Variants in CCDC91 observed in about 807,000 individuals in gnomAD.
CCDC91 encodes the protein coiled-coil domain containing 91.
Under a neutral mutation model 63.2 loss-of-function variants are expected in CCDC91, and 48 were observed. That is an observed-to-expected ratio of 0.76 (90% CI 0.60 to 0.97). The LOEUF is 0.97. Ranked by LOEUF, CCDC91 falls within the 50% of genes least tolerant of loss-of-function variation. The probability of loss-of-function intolerance (pLI) is 0.00; values close to 1 mark genes in which losing one functional copy is unlikely to be tolerated. For missense variants in CCDC91, 500 were observed against 494.6 expected (o/e 1.01, Z -0.10); for synonymous variants, 167 against 165.8 (o/e 1.01, Z -0.06).
At chr12:28,540,003 G>C (rs1942507276) in intron 12 of CCDC91, among the ~76,000 whole-genome samples, 1 of 151,966 alleles carries the variant, frequency 6.6e-6, no homozygotes, top group Admixed American at 6.6e-5. Context: ...GAATACCAGG[G>C]GATTAGAATT....
chr12:28,250,538 T>G (rs2136086864), intron 1 of CCDC91, among the ~76,000 whole-genome samples: 1 of 152,236 alleles, frequency 6.6e-6, no homozygotes, highest in South Asian at 2.1e-4. Flanking sequence ...TTTTAAGATA[T>G]TGGTCCTTAG....
intron 3 of CCDC91, among the ~76,000 whole-genome samples, chr12:28,261,661 A>G (rs2136219342): frequency 6.6e-6 from 1 of 152,104 alleles, no homozygotes; most frequent in African/African-American, 2.4e-5. Context: ...CTCTTTTCTT[A>G]TAATAAAACT....
In CCDC91 at chr12:28,305,818, C is replaced by T; in HGVS notation, c.267+12C>T. The T allele has an allele frequency of 6.3e-7, 1 of 1,596,538 alleles. No individual in the cohort carries two copies. The highest frequency in any genetic ancestry group is 1.3e-5 in the African/African-American group (1 of 74,140). On this transcript the variant is annotated intron_variant, in intron 4 of 12. Coordinates refer to ENST00000536442, the MANE Select transcript of CCDC91 (RefSeq NM_018318.5). ...TTCCAAAAGCACAGGTAAAGACAAACATATTTTTAAAGGAGGTTTGCATAT... is the reference window on the plus strand; with the variant it reads ...TTCCAAAAGCACAGGTAAAGACAAATATATTTTTAAAGGAGGTTTGCATAT...
chr12:28,423,011 C>T (rs374613807), intron 8 of CCDC91, among the ~76,000 whole-genome samples: 28 of 151,978 alleles, frequency 1.8e-4, no homozygotes, highest in East Asian at 1.7e-3. Flanking sequence ...TCCCTCAATA[C>T]AAAGATAACT....
intron 7 of CCDC91, among the ~76,000 whole-genome samples, chr12:28,371,430 G>A (rs368876117): frequency 7.2e-5 from 11 of 152,238 alleles, no homozygotes; most frequent in Admixed American, 2.6e-4. Flanking sequence ...CCTAGTCTGC[G>A]GAAAAATTGT....
Position 28,306,961 on chromosome 12 carries a change from C to G in CCDC91, c.471+16C>G. 6.7e-7 allele frequency: 1 copy of G among 1,493,704 alleles called. No individual in the cohort carries two copies. The highest frequency in any genetic ancestry group is 1.2e-5 in the South Asian group (1 of 84,620). The allele number at this position is 1,493,704 out of a possible 1,614,324, so 92.5% of individuals were successfully genotyped here. On this transcript the variant is annotated intron_variant, in intron 5 of 12. Transcript: ENST00000536442. ...AATTAAACAGGTATATTTACATTTG[C>G]CTAAGAAATGTTTGAATTGCAAATA... is the stretch of plus-strand genomic sequence containing the variant.
chr12:28,548,429 G>A (rs533936478), intron 12 of CCDC91, among the ~76,000 whole-genome samples: 18 of 151,914 alleles, frequency 1.2e-4, no homozygotes, highest in African/African-American at 2.2e-4. Context: ...ACCACCATGC[G>A]CAGCTAATTT....
At chr12:28,498,826 T>C (rs538734674) in intron 12 of CCDC91, among the ~76,000 whole-genome samples, 2 of 151,820 alleles carry the variant, frequency 1.3e-5, no homozygotes, top group Admixed American at 6.6e-5. Context: ...GCTAGGGATA[T>C]ATCAGTAAAT....
At chr12:28,224,140 G>T (rs1158816993) in intron 1 of CCDC91, among the ~76,000 whole-genome samples, 1 of 152,050 alleles carries the variant, frequency 6.6e-6, no homozygotes, top group Non-Finnish European at 1.5e-5. Flanking sequence ...GGCAATACAT[G>T]TGTATCCTGT....
intron 6 of CCDC91, among the ~76,000 whole-genome samples, chr12:28,362,117 C>A (rs1374964331): frequency 2.0e-5 from 3 of 151,968 alleles, no homozygotes; most frequent in Admixed American, 2.0e-4. Context: ...TGCAGTGACG[C>A]AGGGTTTCCC....
intron 12 of CCDC91, among the ~76,000 whole-genome samples, chr12:28,548,249 C>A (rs1358661085): frequency 6.6e-6 from 1 of 152,028 alleles, no homozygotes; most frequent in African/African-American, 2.4e-5. Context: ...AAAAAAGTTT[C>A]AACAGTATCA....
intron 12 of CCDC91, among the ~76,000 whole-genome samples, chr12:28,531,770 T>C (rs1169365540): frequency 1.3e-5 from 2 of 152,206 alleles, no homozygotes; most frequent in Non-Finnish European, 2.9e-5. Context: ...TTTAGTCAGC[T>C]GCACCATGTG....
chr12:28,400,833 CCAA>C (rs1946576336), intron 8 of CCDC91, among the ~76,000 whole-genome samples: 1 of 152,284 alleles, frequency 6.6e-6, no homozygotes, highest in East Asian at 1.9e-4. Flanking sequence ...GCCCCAGTTC[CCAA>C]CAAGTTCATC....
intron 11 of CCDC91, among the ~76,000 whole-genome samples, chr12:28,474,005 T>A (rs1468499602): frequency 6.7e-6 from 1 of 149,848 alleles, no homozygotes; most frequent in Non-Finnish European, 1.5e-5. Flanking sequence ...TGCACGTGTG[T>A]AAGAAATCTG....
At chr12:28,241,842 A>G (rs1565659226) in intron 1 of CCDC91, among the ~76,000 whole-genome samples, 1 of 151,888 alleles carries the variant, frequency 6.6e-6, no homozygotes, top group Admixed American at 6.6e-5. Context: ...CTAAAATTAC[A>G]AAAATTAGCT....
chr12:28,408,034 G>C (rs1250926174), intron 8 of CCDC91, among the ~76,000 whole-genome samples: 1 of 151,068 alleles, frequency 6.6e-6, no homozygotes, highest in Admixed American at 6.6e-5. Flanking sequence ...TGTTGCATAG[G>C]TATACATGTG....
intron 6 of CCDC91, among the ~76,000 whole-genome samples, chr12:28,311,878 A>G (rs1008840104): frequency 6.6e-6 from 1 of 151,550 alleles, no homozygotes; most frequent in Non-Finnish European, 1.5e-5. Context: ...TGGCTATTCC[A>G]CTCCCCAGTT....
chr12:28,256,118 G>A (rs1420347778), intron 1 of CCDC91: 1 of 152,046 alleles, frequency 6.6e-6, no homozygotes, highest in Admixed American at 6.5e-5. Context: ...TTAAAACATT[G>A]CTTTTTAAAT....
chr12:28,522,056 G>A (rs567097942), intron 12 of CCDC91, among the ~76,000 whole-genome samples: 1 of 152,244 alleles, frequency 6.6e-6, no homozygotes, highest in South Asian at 2.1e-4. Context: ...GTCTCTGCCA[G>A]GCTTTGGTAT....
Sources: allele counts gnomAD v4.1 joint callset (sites outside exome capture counted in the v4.1 genomes callset), GRCh38; gene constraint gnomAD v4.1.1; transcripts MANE v1.5; gene names NCBI Gene and HGNC (gene_info 2026-07-23, HGNC 2026-07-21).